Variants in DCAF1 observed in about 807,000 individuals in gnomAD.
DCAF1 encodes the protein DDB1 and CUL4 associated factor 1.
Under a neutral mutation model 128.0 loss-of-function variants are expected in DCAF1, and 15 were observed. The observed-to-expected ratio is 0.12, with a 90% CI of 0.08 to 0.18. The LOEUF (loss-of-function observed/expected upper bound fraction) is 0.18. DCAF1 is among the 10% of genes least tolerant of loss of function. The probability of loss-of-function intolerance (pLI) is 1.00; values close to 1 mark genes in which losing one functional copy is unlikely to be tolerated. For missense variants in DCAF1, 988 were observed against 1,649.5 expected, an observed-to-expected ratio of 0.60 and a Z score of 6.95; for synonymous variants, 610 against 603.0, an observed-to-expected ratio of 1.01 and a Z score of -0.17.
intron 6 of DCAF1, among the ~76,000 whole-genome samples, chr3:51,452,060 T>C (rs1702412171): frequency 6.6e-6 from 1 of 152,096 alleles, no homozygotes. Context: ...CTTTTTCTTT[T>C]CTTTTTTGAG....
intron 1 of DCAF1, among the ~76,000 whole-genome samples, chr3:51,498,242 C>T (rs562352882): frequency 1.3e-5 from 2 of 150,650 alleles, no homozygotes; most frequent in Admixed American, 6.7e-5. Context: ...TGCCTGTAGT[C>T]CCAGCTACTC....
intron 23 of DCAF1, among the ~76,000 whole-genome samples, chr3:51,403,630 C>T (rs1553625722): frequency 6.6e-6 from 1 of 152,174 alleles, no homozygotes; most frequent in Non-Finnish European, 1.5e-5. Flanking sequence ...GTCACATAGC[C>T]CTTATGCAAG....
At chr3:51,489,951 AAATT>A (rs1224384415) in intron 2 of DCAF1, among the ~76,000 whole-genome samples, 1 of 152,132 alleles carries the variant, frequency 6.6e-6, no homozygotes, top group Non-Finnish European at 1.5e-5. Context: ...ATCCACATAA[AAATT>A]ATTAGAATAA....
chr3:51,471,124 T>C lies in DCAF1; in HGVS notation c.111-119A>G, dbSNP rs1704688122. 30 of 538,772 alleles carry C rather than the reference T, an allele frequency of 5.6e-5. 1 individual carries two copies. The South Asian group carries it at 9.9e-4, about 18-fold the overall frequency. 33.4% of individuals were successfully genotyped at this position (538,772 alleles called of 1,614,324 possible). A position where few individuals can be genotyped will look rare whatever the true frequency, so the allele number is the denominator to read the frequency against. On this transcript the variant is annotated intron_variant, in intron 3 of 24. Transcript: ENST00000684031. ...AAAGCAAAGTTAGAAAAAGACTATT[T>C]CTTCTGATGTACATAGAAATCTACA...
chr3:51,505,114 A>C, the DCAF1 span, among the ~76,000 whole-genome samples: 1 of 151,862 alleles, frequency 6.6e-6, no homozygotes, highest in Admixed American at 6.6e-5. Flanking sequence ...AATTACAAAA[A>C]TTAGCCAGGT....
At position 51,422,818 on chromosome 3, in the gene DCAF1, C is replaced by A. The variant is rs539355858; in HGVS notation, c.1848-387G>T. The stretch of plus-strand genomic sequence containing the variant: ...GTGGCTCAAGCCTATAATCCCAACA[C>A]TTTAGGAGGCCAAGGTGGGAGGATC... On this transcript the variant is annotated intron_variant, in intron 13 of 24. Coordinates refer to ENST00000684031, the MANE Select transcript of DCAF1 (RefSeq NM_001387579.1). Among the ~76,000 whole-genome samples the A allele has an allele frequency of 1.6e-3, 236 of 152,178 alleles. 7 individuals carry two copies. In the South Asian group the frequency reaches 0.048, roughly 31 times the overall value.
At chr3:51,487,011 A>C (rs1039887478) in intron 2 of DCAF1, among the ~76,000 whole-genome samples, 1 of 150,522 alleles carries the variant, frequency 6.6e-6, no homozygotes, top group African/African-American at 2.4e-5. Context: ...CTCTGTCGCC[A>C]GGCTGGAGTG....
chr3:51,401,512 G>C (rs1553624943), intron 24 of DCAF1, among the ~76,000 whole-genome samples: 1 of 152,172 alleles, frequency 6.6e-6, no homozygotes. Context: ...CTCAAGTTGT[G>C]ATCCATTATT....
intron 6 of DCAF1, among the ~76,000 whole-genome samples, chr3:51,457,285 G>A (rs191483895): frequency 7.9e-4 from 121 of 152,272 alleles, no homozygotes; most frequent in East Asian, 4.0e-3. Flanking sequence ...CTCAGTAGCC[G>A]ATGTGATCAA....
intron 6 of DCAF1, among the ~76,000 whole-genome samples, chr3:51,448,653 A>G (rs1553640795): frequency 1.3e-5 from 2 of 152,220 alleles, no homozygotes; most frequent in Non-Finnish European, 2.9e-5. Context: ...ATTCAGTAGG[A>G]CTAAGTACAT....
At chr3:51,459,425 A>C (rs1703293495) in intron 6 of DCAF1, among the ~76,000 whole-genome samples, 1 of 152,210 alleles carries the variant, frequency 6.6e-6, no homozygotes, top group African/African-American at 2.4e-5. Flanking sequence ...ATAGCTTACC[A>C]ACCAAAAAAA....
upstream of DCAF1, among the ~76,000 whole-genome samples, chr3:51,501,179 T>A (rs545076706): frequency 9.2e-5 from 14 of 152,302 alleles, no homozygotes; most frequent in East Asian, 2.5e-3. Flanking sequence ...CAGGTTATTA[T>A]ACGTGAGGCA....
At chr3:51,462,612 G>A (rs1703723275) in intron 6 of DCAF1, among the ~76,000 whole-genome samples, 2 of 151,538 alleles carry the variant, frequency 1.3e-5, no homozygotes, top group South Asian at 4.2e-4. Flanking sequence ...TGGACATGGT[G>A]GTGGGCGCCT....
upstream of DCAF1, among the ~76,000 whole-genome samples, chr3:51,502,427 C>A (rs962735294): frequency 1.3e-5 from 2 of 152,152 alleles, no homozygotes; most frequent in East Asian, 3.9e-4. Context: ...CGTGGTGGTG[C>A]ATGCCTGTAG....
At chr3:51,404,240 G>C (rs2106893313) in intron 23 of DCAF1, among the ~76,000 whole-genome samples, 1 of 152,312 alleles carries the variant, frequency 6.6e-6, no homozygotes, top group Non-Finnish European at 1.5e-5. Context: ...AAACGTAGCT[G>C]CCACTCAAGA....
chr3:51,405,379 G>C (rs1214311430), intron 23 of DCAF1, among the ~76,000 whole-genome samples: 1 of 152,128 alleles, frequency 6.6e-6, no homozygotes, highest in African/African-American at 2.4e-5. Flanking sequence ...TCTAAGCTTT[G>C]AACTAGATAC....
intron 2 of DCAF1, among the ~76,000 whole-genome samples, chr3:51,493,079 G>T (rs782522122): frequency 2.9e-4 from 43 of 146,850 alleles, no homozygotes; most frequent in Non-Finnish European, 4.2e-4. Context: ...AAAGTTGCAG[G>T]TTTTTTTTTT....
intron 6 of DCAF1, among the ~76,000 whole-genome samples, chr3:51,449,803 A>C (rs192353102): frequency 6.6e-6 from 1 of 152,302 alleles, no homozygotes; most frequent in African/African-American, 2.4e-5. Context: ...ACAGAAATGA[A>C]ACAGGCCTCA....
chr3:51,395,881 G>GTTTA (rs1341027329), downstream of DCAF1: 6 of 413,406 alleles, frequency 1.5e-5, no homozygotes, highest in South Asian at 1.3e-4. Context: ...TGTTAAGCAT[G>GTTTA]TTTATTTATT....
Sources: allele counts gnomAD v4.1 joint callset (sites outside exome capture counted in the v4.1 genomes callset), GRCh38; gene constraint gnomAD v4.1.1; transcripts MANE v1.5; gene names NCBI Gene and HGNC (gene_info 2026-07-23, HGNC 2026-07-21).